The following LNX2 variants were observed in gnomAD, a reference collection of about 807,000 sequenced individuals.
LNX2 encodes the protein ligand of Numb protein X 2.
LNX2 carries 35 observed loss-of-function variants against 66.2 expected under a neutral mutation model. That is an observed-to-expected ratio of 0.53 (90% CI 0.40 to 0.70). The LOEUF is 0.70. Among genes scored for constraint, LNX2 ranks in the 30% least tolerant of loss-of-function variants. The pLI is 0.00. For synonymous variants in LNX2, 337 were observed against 315.6 expected (o/e 1.07, Z -0.72); for missense variants, 791 against 850.8 (o/e 0.93, Z 0.87).
rs918257505 is a variant in LNX2 at position 27,562,486 on chromosome 13, T to C, written c.1151A>G (p.Asn384Ser). 2.3e-5 allele frequency: 37 copies of C among 1,614,182 alleles called. No homozygotes were observed. The highest frequency in any genetic ancestry group is 1.6e-4 in the Middle Eastern group (1 of 6,062). ...LAAQDGRLSS[N>S]DRVLAINGHD... ...CCCATTGATGGCCAGCACTCGGTCA[T>C]TGCTGCTTAGCCTGCCGTCCTGGGC... Residue 384 changes from asparagine to serine, a missense_variant, in exon 5 of 10, where the codon AAT (asparagine) becomes AGT (serine). Transcript: ENST00000316334.
At chr13:27,598,581 A>C (rs1480966601) in intron 1 of LNX2, among the ~76,000 whole-genome samples, 1 of 152,108 alleles carries the variant, frequency 6.6e-6, no homozygotes, top group African/African-American at 2.4e-5. Flanking sequence ...TTAATCCTCA[A>C]GATAACCCTG....
At chr13:27,553,707 G>C (rs141376004) in intron 7 of LNX2, among the ~76,000 whole-genome samples, 1 of 152,130 alleles carries the variant, frequency 6.6e-6, no homozygotes, top group African/African-American at 2.4e-5. Flanking sequence ...TTGGAAGTTC[G>C]AATCATCAGT....
intron 1 of LNX2, among the ~76,000 whole-genome samples, chr13:27,590,658 C>T (rs1173016342): frequency 6.6e-6 from 1 of 152,032 alleles, no homozygotes; most frequent in Non-Finnish European, 1.5e-5. Flanking sequence ...TATACTTTTT[C>T]ATAAAAAATA....
chr13:27,563,027 C>T (rs1422390129), intron 4 of LNX2, among the ~76,000 whole-genome samples: 2 of 152,092 alleles, frequency 1.3e-5, no homozygotes, highest in African/African-American at 4.8e-5. Flanking sequence ...GCTTTAATGA[C>T]GGTCTTGAAT....
At chr13:27,572,192 C>T (rs554300924) in intron 2 of LNX2, among the ~76,000 whole-genome samples, 2 of 152,184 alleles carry the variant, frequency 1.3e-5, no homozygotes, top group South Asian at 2.1e-4. Context: ...AGGGTATTAG[C>T]GATCATTAAA....
intron 1 of LNX2, among the ~76,000 whole-genome samples, chr13:27,606,391 AG>A (rs1297254894): frequency 2.2e-3 from 316 of 144,878 alleles, no homozygotes; most frequent in African/African-American, 7.3e-3. Context: ...AAAAAAAAAA[AG>A]AGAGAAAAGC....
At chr13:27,554,445 C>A (rs1049669268) in intron 7 of LNX2, among the ~76,000 whole-genome samples, 1 of 152,226 alleles carries the variant, frequency 6.6e-6, no homozygotes, top group East Asian at 1.9e-4. Context: ...CTTTCTGTCT[C>A]TACAGATTTG....
rs1415925632 is a variant in LNX2, at chr13:27,586,220, CAG to C, written c.-100-4419_-100-4418del. Among the ~76,000 whole-genome samples the C allele has an allele frequency of 2.0e-5, 3 of 151,830 alleles. No homozygotes were observed. The East Asian group carries it at 5.8e-4, about 29-fold the overall frequency. On this transcript the variant is annotated intron_variant, in intron 1 of 9. Coordinates refer to ENST00000316334, the MANE Select transcript of LNX2 (RefSeq NM_153371.4). ...AAAAATAGAGAATCAAATGTTCACA[CAG>C]ATTTTATTATTTGTGCAAAGCCATA...
In LNX2 at chr13:27,548,488, G is replaced by T. The variant is rs1370803852; in HGVS notation, c.1938-18C>A. 2 of 1,598,116 alleles carry T rather than the reference G, an allele frequency of 1.3e-6. No homozygotes were observed. The highest frequency in any genetic ancestry group is 4.5e-5 in the East Asian group (2 of 44,754). On this transcript the variant is annotated intron_variant, in intron 9 of 9. Coordinates refer to ENST00000316334, the MANE Select transcript of LNX2 (RefSeq NM_153371.4). Reference sequence around the variant, plus strand: ...CACCACACCTGGACAAAGAGAGACAGATACAGAATGTTACTATTTTCATGG... The same window carrying T: ...CACCACACCTGGACAAAGAGAGACATATACAGAATGTTACTATTTTCATGG...
intron 8 of LNX2, among the ~76,000 whole-genome samples, chr13:27,552,753 T>C (rs1364983589): frequency 6.6e-6 from 1 of 152,220 alleles, no homozygotes; most frequent in Non-Finnish European, 1.5e-5. Context: ...TAATAGACTC[T>C]TGTATCCAAT....
At chr13:27,556,566 A>G (rs1316581258) in intron 6 of LNX2, among the ~76,000 whole-genome samples, 153 bp from the exon 7 acceptor site, 1 of 152,214 alleles carries the variant, frequency 6.6e-6, no homozygotes, top group Non-Finnish European at 1.5e-5. Context: ...ACAGTTCTTA[A>G]TAAGTCTGCT....
chr13:27,605,802 T>G (rs1315955890), intron 1 of LNX2, among the ~76,000 whole-genome samples: 1 of 152,214 alleles, frequency 6.6e-6, no homozygotes, highest in Non-Finnish European at 1.5e-5. Flanking sequence ...ATATTGGCAG[T>G]TGCACAATTC....
chr13:27,562,994 G>A (rs1487135126), intron 4 of LNX2, among the ~76,000 whole-genome samples: 3 of 152,170 alleles, frequency 2.0e-5, no homozygotes, highest in Admixed American at 6.5e-5. Context: ...GCATCAAGGA[G>A]AGAATAGTAG....
chr13:27,592,105 T>A (rs1377686476), intron 1 of LNX2, among the ~76,000 whole-genome samples: 7 of 152,182 alleles, frequency 4.6e-5, no homozygotes, highest in Non-Finnish European at 1.0e-4. Flanking sequence ...TTGTAGGGCC[T>A]AAAAAACTTT....
At chr13:27,571,610 TTGC>T (rs1457105390) in intron 2 of LNX2, among the ~76,000 whole-genome samples, 1 of 152,146 alleles carries the variant, frequency 6.6e-6, no homozygotes, top group African/African-American at 2.4e-5. Context: ...TAGCACTGAA[TTGC>T]ACACTTTAAA....
At chr13:27,558,483 A>G (rs910791231) in intron 6 of LNX2, among the ~76,000 whole-genome samples, 12 of 152,098 alleles carry the variant, frequency 7.9e-5, no homozygotes, top group African/African-American at 2.9e-4. Context: ...ATTATTAATT[A>G]CAGTTTTTCA....
chr13:27,569,417 A>G, intron 2 of LNX2, 141 bp from the exon 3 acceptor site: 1 of 789,276 alleles, frequency 1.3e-6, no homozygotes. Context: ...TCTGATCCTA[A>G]TCTCCACTCA....
chr13:27,555,130 G>A (rs1234165555), intron 7 of LNX2, among the ~76,000 whole-genome samples: 8 of 152,080 alleles, frequency 5.3e-5, no homozygotes, highest in Non-Finnish European at 1.0e-4. Flanking sequence ...TGTATTTTTT[G>A]TAGAGACAAG....
intron 1 of LNX2, among the ~76,000 whole-genome samples, chr13:27,614,083 C>T (rs1955801970): frequency 6.6e-6 from 1 of 152,200 alleles, no homozygotes; most frequent in Non-Finnish European, 1.5e-5. Context: ...CTTAATTATT[C>T]CTGGGCTTAA....
Sources: allele counts gnomAD v4.1 joint callset (sites outside exome capture counted in the v4.1 genomes callset), GRCh38; gene constraint gnomAD v4.1.1; transcripts MANE v1.5; gene names NCBI Gene and HGNC (gene_info 2026-07-23, HGNC 2026-07-21).